Variants in NACC2 observed in about 807,000 individuals in gnomAD.
NACC2 encodes NACC family member 2.
In NACC2, 8 loss-of-function variants were observed where a neutral mutation model predicts 25.1. That is an observed-to-expected ratio of 0.32 (90% CI 0.19 to 0.57). The LOEUF is 0.57. Among genes scored for constraint, NACC2 ranks in the 20% least tolerant of loss-of-function variants. The probability of loss-of-function intolerance (pLI) is 0.89; values close to 1 mark genes in which losing one functional copy is unlikely to be tolerated. For missense variants in NACC2, 644 were observed against 650.2 expected, an observed-to-expected ratio of 0.99 and a Z score of 0.10; for synonymous variants, 435 against 294.7, an observed-to-expected ratio of 1.48 and a Z score of -4.88.
At chr9:136,042,699 C>T (rs1588568131) in intron 2 of NACC2, among the ~76,000 whole-genome samples, 1 of 151,744 alleles carries the variant, frequency 6.6e-6, no homozygotes, top group East Asian at 1.9e-4. Flanking sequence ...CACAGACACA[C>T]ACACAGACAC....
intron 3 of NACC2, 128 bp from the exon 4 acceptor site, chr9:136,014,097 T>C (rs1840159466): frequency 1.5e-6 from 1 of 685,290 alleles, no homozygotes; most frequent in South Asian, 1.9e-5. Context: ...TCTAGGACTT[T>C]TTTTGGGGAG....
chr9:136,075,203 C>T (rs1830248285), intron 1 of NACC2, among the ~76,000 whole-genome samples: 1 of 152,242 alleles, frequency 6.6e-6, no homozygotes, highest in Admixed American at 6.5e-5. Context: ...ACAGACTTGG[C>T]CTCAGACAGC....
At position 136,016,302 on chromosome 9, in the gene NACC2, C is replaced by T. The variant is rs778717189; in HGVS notation, c.1014G>A (p.Ser338=). The change falls in exon 3 of 6, where the codon TCG becomes TCA. Residue 338 remains serine (S), a synonymous_variant. Coordinates refer to ENST00000277554, the MANE Select transcript of NACC2 (RefSeq NM_144653.5). Reference sequence around the variant, plus strand: ...CCAGCTTCTCCCCGGGGTCCCCTTCCGAGTAGAGCTTGGGATGGCAGCGGT... The same window carrying T: ...CCAGCTTCTCCCCGGGGTCCCCTTCTGAGTAGAGCTTGGGATGGCAGCGGT... ...IGYRCHPKLY[S]EGDPGEKLEL... is the part of the protein sequence containing the mutation. 101 of 1,612,864 alleles carry T rather than the reference C, an allele frequency of 6.3e-5. No individual in the cohort carries two copies. Among genetic ancestry groups the T allele is most frequent in the Non-Finnish European group, 8.0e-5 (94 of 1,180,022 alleles).
chr9:136,059,241 G>A lies in NACC2; in HGVS notation c.-59-8661C>T, dbSNP rs577642163. Reference sequence around the variant, plus strand: ...GGACTAGGGACACCCTCAGGGCTAAGGCCAAAGGTGCCCAGGCCAGAGCCA... The same window carrying A: ...GGACTAGGGACACCCTCAGGGCTAAAGCCAAAGGTGCCCAGGCCAGAGCCA... On this transcript the variant is annotated intron_variant, in intron 1 of 5. Transcript: ENST00000277554. 1.5e-4 allele frequency among the ~76,000 whole-genome samples: 23 copies of A among 152,320 alleles called. No homozygotes were observed. The East Asian group carries it at 4.4e-3, about 29-fold the overall frequency.
chr9:136,085,660 C>A (rs1366405246), intron 1 of NACC2, among the ~76,000 whole-genome samples: 1 of 152,188 alleles, frequency 6.6e-6, no homozygotes, highest in African/African-American at 2.4e-5. Flanking sequence ...TCTGCCCACA[C>A]TGGAACAAGA....
intron 2 of NACC2, among the ~76,000 whole-genome samples, chr9:136,024,527 G>GTC (rs1840356540): frequency 7.3e-6 from 1 of 137,414 alleles, no homozygotes; most frequent in African/African-American, 2.7e-5. Context: ...GTGTGTGTGT[G>GTC]TGTGTGGACA....
intron 1 of NACC2, among the ~76,000 whole-genome samples, chr9:136,069,488 G>A (rs1365671192): frequency 6.6e-6 from 1 of 151,592 alleles, no homozygotes; most frequent in African/African-American, 2.4e-5. Context: ...GGCGGAGGTT[G>A]CAGTGAGCCA....
intron 2 of NACC2, among the ~76,000 whole-genome samples, chr9:136,030,786 C>T (rs1330871165): frequency 6.6e-6 from 1 of 152,012 alleles, no homozygotes; most frequent in Non-Finnish European, 1.5e-5. Context: ...CTCAGCCTCC[C>T]GAGTAGCTGG....
At position 136,009,342 on chromosome 9, in the gene NACC2, G is replaced by A. The variant is rs972910541; in HGVS notation, c.*2174C>T. 2.6e-5 allele frequency: 4 copies of A among 152,318 alleles called. No homozygotes were observed. Among genetic ancestry groups the A allele is most frequent in the Non-Finnish European group, 5.9e-5 (4 of 68,100 alleles). The allele number at this position is 152,318 out of a possible 1,614,324, so 9.4% of individuals were successfully genotyped here. ...CTGTGCCCAAGACAGGGGAGGAAGAGGCAGAGAAAGGCTCCCTCTAGGCTG... is the reference window on the plus strand; with the variant it reads ...CTGTGCCCAAGACAGGGGAGGAAGAAGCAGAGAAAGGCTCCCTCTAGGCTG... On this transcript the variant is annotated 3_prime_UTR_variant, in exon 6 of 6. Transcript: ENST00000277554.
intron 1 of NACC2, among the ~76,000 whole-genome samples, chr9:136,065,118 G>A (rs1238522474): frequency 6.6e-6 from 1 of 152,212 alleles, no homozygotes; most frequent in Non-Finnish European, 1.5e-5. Flanking sequence ...AGAAAAGACA[G>A]GATAAATCTT....
chr9:136,019,925 T>A lies in NACC2; in HGVS notation c.887-3496A>T, dbSNP rs2131137535. 6.9e-6 allele frequency among the ~76,000 whole-genome samples: 1 copy of A among 144,918 alleles called. No individual in the cohort carries two copies. The highest frequency in any genetic ancestry group is 2.4e-4 in the South Asian group (1 of 4,130). Reference sequence around the variant, plus strand: ...GACACAGAAGGACACATCCCGGGGCTCCACTCGCAGGCGGCCCCCAGAGTC... The same window carrying A: ...GACACAGAAGGACACATCCCGGGGCACCACTCGCAGGCGGCCCCCAGAGTC... On this transcript the variant is annotated intron_variant, in intron 2 of 5. Coordinates refer to ENST00000277554, the MANE Select transcript of NACC2 (RefSeq NM_144653.5). The surrounding 1 kb of genome is among the most constrained non-coding windows in gnomAD (Gnocchi z 5.2).
chr9:136,024,812 G>A (rs1385353371), intron 2 of NACC2, among the ~76,000 whole-genome samples: 16 of 152,142 alleles, frequency 1.1e-4, no homozygotes. Context: ...CAACCCTGAG[G>A]GGCTGCGATC....
chr9:136,045,410 C>CCACGGGCCCT (rs1588569480), intron 2 of NACC2, among the ~76,000 whole-genome samples: 2 of 152,194 alleles, frequency 1.3e-5, no homozygotes, highest in Non-Finnish European at 2.9e-5. Flanking sequence ...AAAGGGTTAC[C>CCACGGGCCCT]GTGGAAGTGT....
chr9:136,013,946 C>T lies in NACC2; in HGVS notation c.1075G>A (p.Gly359Ser), dbSNP rs1292246967. ...CACAGGTGGCAGTTCATCAGCTGGCCGCGTGTGATGTAGACCCCAGAGCCT... is the reference window on the plus strand; with the variant it reads ...CACAGGTGGCAGTTCATCAGCTGGCTGCGTGTGATGTAGACCCCAGAGCCT... The part of the protein sequence containing the change: ...VAGSGVYITR[G>S]QLMNCHLCAG... The change falls in exon 4 of 6, where the codon GGC becomes AGC. Residue 359 changes from glycine to serine, a missense_variant. Coordinates refer to ENST00000277554, the MANE Select transcript of NACC2 (RefSeq NM_144653.5). The surrounding 1 kb of genome is among the most constrained non-coding windows in gnomAD (Gnocchi z 6.6). The T allele has an allele frequency of 3.1e-6, 5 of 1,611,502 alleles. No individual in the cohort carries two copies. Among genetic ancestry groups the T allele is most frequent in the South Asian group, 1.1e-5 (1 of 91,024 alleles).
chr9:136,072,602 A>G (rs1830209280), intron 1 of NACC2, among the ~76,000 whole-genome samples: 1 of 152,216 alleles, frequency 6.6e-6, no homozygotes, highest in South Asian at 2.1e-4. Flanking sequence ...CTGTAATCCC[A>G]GCACTTTGGG....
Position 136,072,188 on chromosome 9 carries a change from A to AG in NACC2, c.-59-21609dup, listed in dbSNP as rs1841162653. 6.6e-5 allele frequency among the ~76,000 whole-genome samples: 10 copies of AG among 152,104 alleles called. No homozygotes were observed. In the South Asian group the frequency reaches 2.1e-3, roughly 32 times the overall value. ...GGGAGGCGGAGGTTGCAGTTAGCCG[A>AG]GATCGTGCCATTGCACTCTAGCCTG... On this transcript the variant is annotated intron_variant, in intron 1 of 5. Coordinates refer to ENST00000277554, the MANE Select transcript of NACC2 (RefSeq NM_144653.5).
intron 2 of NACC2, among the ~76,000 whole-genome samples, chr9:136,038,146 C>CG (rs552910783): frequency 3.3e-5 from 5 of 152,034 alleles, no homozygotes; most frequent in South Asian, 2.1e-4. Flanking sequence ...TCAGGGGAAG[C>CG]GGGGGGAAAT....
intron 2 of NACC2, among the ~76,000 whole-genome samples, chr9:136,038,606 T>C (rs970209077): frequency 0.019 from 2,931 of 152,314 alleles, 95 homozygotes; most frequent in African/African-American, 0.067. Flanking sequence ...AATGTTATAA[T>C]ATGTAAAATT....
rs1840116942 is a variant in NACC2 at position 136,011,908 on chromosome 9, T to C, written c.1372A>G (p.Met458Val). ...RKRWLPKIKS[M>V]LPEGVEMYRT... ...TACATCTCCACGCCCTCCGGCAGCA[T>C]GGACTTGATCTTGGGCAGCCAGCGC... Residue 458 changes from methionine (M) to valine (V), a missense_variant, in exon 6 of 6, where the codon ATG (methionine) becomes GTG (valine). Physicochemically the swap from Met to Val is conservative, Grantham distance 21. Coordinates refer to ENST00000277554, the MANE Select transcript of NACC2 (RefSeq NM_144653.5). 6.3e-7 allele frequency: 1 copy of C among 1,590,798 alleles called. No homozygotes were observed. The highest frequency in any genetic ancestry group is 8.5e-7 in the Non-Finnish European group (1 of 1,171,066).
Sources: gnomAD v4.1 joint callset for allele counts (sites outside exome capture counted in the v4.1 genomes callset) on GRCh38, gnomAD v4.1.1 for gene constraint, Gnocchi (gnomAD v3.1) non-coding constraint, MANE v1.5 for transcripts, NCBI Gene and HGNC (gene_info 2026-07-23, HGNC 2026-07-21) for gene names.